BLM: variants seen among roughly 807,000 people sequenced by gnomAD.
BLM encodes the protein recQ-like DNA helicase BLM.
BLM carries 95 observed loss-of-function variants against 135.3 expected under a neutral mutation model. That is an observed-to-expected ratio of 0.70 (90% CI 0.59 to 0.83). BLM has a LOEUF of 0.83. BLM is among the 40% of genes least tolerant of loss of function. The pLI is 0.00. For missense variants in BLM, 1,518 were observed against 1,663.9 expected, an observed-to-expected ratio of 0.91 and a Z score of 1.53; for synonymous variants, 520 against 589.2, an observed-to-expected ratio of 0.88 and a Z score of 1.70.
At chr15:90,734,665 G>GTGCA (rs1478361316) in intron 1 of BLM, among the ~76,000 whole-genome samples, 2 of 143,488 alleles carry the variant, frequency 1.4e-5, no homozygotes, top group African/African-American at 5.5e-5. Context: ...ACACACACGC[G>GTGCA]CGCACGCACG....
rs1216393489 is a variant in BLM at position 90,720,928 on chromosome 15, A to T, written c.-5+3488A>T. 3.3e-5 allele frequency among the ~76,000 whole-genome samples: 5 copies of T among 152,156 alleles called. 1 individual carries two copies. In the East Asian group the frequency reaches 7.7e-4, roughly 23 times the overall value. On this transcript the variant is annotated intron_variant, in intron 1 of 21. Coordinates refer to ENST00000355112, the MANE Select transcript of BLM (RefSeq NM_000057.4). ...TTATTTCCTGGCTGGGCGCGGTAGCACATGCCTATGATCCCAGCACTTTGG... is the reference window on the plus strand; with the variant it reads ...TTATTTCCTGGCTGGGCGCGGTAGCTCATGCCTATGATCCCAGCACTTTGG...
At chr15:90,771,290 CA>C (rs1177490662) in intron 12 of BLM, among the ~76,000 whole-genome samples, 1 of 152,144 alleles carries the variant, frequency 6.6e-6, no homozygotes, top group Non-Finnish European at 1.5e-5. Context: ...AGTTCGAGAC[CA>C]GCCTGGCCAA....
At chr15:90,747,534 C>A (rs1409520705) in intron 2 of BLM, 44 bp downstream of exon 2, 2 of 1,177,836 alleles carry the variant, frequency 1.7e-6, no homozygotes, top group Admixed American at 1.9e-5. Context: ...CACTAACTTA[C>A]CACATTGTAC....
intron 8 of BLM, among the ~76,000 whole-genome samples, chr15:90,764,331 A>G (rs2151161661): frequency 6.7e-6 from 1 of 150,238 alleles, no homozygotes; most frequent in African/African-American, 2.4e-5. Flanking sequence ...AAATATTCCA[A>G]ATAAGGTTTA....
At chr15:90,776,134 T>A (rs1255218965) in intron 12 of BLM, among the ~76,000 whole-genome samples, 2 of 152,252 alleles carry the variant, frequency 1.3e-5, no homozygotes, top group African/African-American at 4.8e-5. Flanking sequence ...TAACAATTAT[T>A]TGAATTCCTT....
At chr15:90,727,451 G>T (rs1894948992) in intron 1 of BLM, among the ~76,000 whole-genome samples, 1 of 152,130 alleles carries the variant, frequency 6.6e-6, no homozygotes, top group African/African-American at 2.4e-5. Context: ...AGAAAAGCCT[G>T]CTTGCAAAAT....
chr15:90,761,551 A>T (rs1486830681), intron 7 of BLM, among the ~76,000 whole-genome samples: 2 of 152,214 alleles, frequency 1.3e-5, no homozygotes, highest in Non-Finnish European at 2.9e-5. Context: ...CAAACTCATG[A>T]GGGCCAAGTT....
At chr15:90,807,085 C>G (rs1302880985) in intron 19 of BLM, among the ~76,000 whole-genome samples, 2 of 152,182 alleles carry the variant, frequency 1.3e-5, no homozygotes, top group Non-Finnish European at 2.9e-5. Flanking sequence ...TCGTCCATGT[C>G]TTTGTTTTTC....
chr15:90,803,218 A>T (rs113739388), intron 17 of BLM, among the ~76,000 whole-genome samples: 3 of 152,126 alleles, frequency 2.0e-5, no homozygotes, highest in African/African-American at 7.2e-5. Flanking sequence ...AATACATAGC[A>T]CAGTGATAGG....
At chr15:90,803,325 G>A (rs1411191739) in intron 17 of BLM, among the ~76,000 whole-genome samples, 196 bp from the exon 18 acceptor site, 3 of 152,072 alleles carry the variant, frequency 2.0e-5, no homozygotes, top group Admixed American at 6.6e-5. Context: ...AAAAGATAAG[G>A]AAAAGTACAT....
intron 1 of BLM, among the ~76,000 whole-genome samples, chr15:90,746,908 T>C (rs1301842198): frequency 6.6e-6 from 1 of 152,182 alleles, no homozygotes; most frequent in Non-Finnish European, 1.5e-5. Flanking sequence ...AAACCTTTGC[T>C]CTCATTGGTG....
chr15:90,784,891 T>C (rs367997258), intron 13 of BLM, 30 bp from the exon 14 acceptor site: 36 of 1,603,526 alleles, frequency 2.2e-5, no homozygotes, highest in Non-Finnish European at 2.9e-5. Flanking sequence ...TAAAAATTCT[T>C]GTTTCTCAGT....
At position 90,815,046 on chromosome 15, in the gene BLM, G is replaced by A. The variant is rs919498905; in HGVS notation, c.4077-56G>A. On this transcript the variant is annotated intron_variant, in intron 21 of 21. Coordinates refer to ENST00000355112, the MANE Select transcript of BLM (RefSeq NM_000057.4). The surrounding 1 kb of genome is among the most constrained non-coding windows in gnomAD (Gnocchi z 4.6). The stretch of plus-strand genomic sequence containing the variant: ...TAGCTCTGTGCAGGTTGAGAGGAAG[G>A]TCATTCATTTTTGGTTTCATTTAAC... 2.5e-6 allele frequency: 3 copies of A among 1,216,194 alleles called. No individual in the cohort carries two copies. The African/African-American group carries it at 5.0e-5, about 20-fold the overall frequency. The allele number at this position is 1,216,194 out of a possible 1,614,324, so 75.3% of individuals were successfully genotyped here.
chr15:90,748,552 A>T (rs1895572575), intron 2 of BLM, among the ~76,000 whole-genome samples: 1 of 152,096 alleles, frequency 6.6e-6, no homozygotes, highest in Non-Finnish European at 1.5e-5. Context: ...TGATGCTTTT[A>T]CCAGGTTGTA....
At chr15:90,814,992 G>A (rs1596276260) in intron 21 of BLM, 110 bp from the exon 22 acceptor site, 1 of 1,119,594 alleles carries the variant, frequency 8.9e-7, no homozygotes, top group Non-Finnish European at 1.3e-6. Flanking sequence ...AATGCACAAG[G>A]ACACATTAGG....
chr15:90,786,948 T>C lies in BLM; in HGVS notation c.2823+1867T>C, dbSNP rs551959580. Among the ~76,000 whole-genome samples the C allele has an allele frequency of 8.0e-4, 120 of 150,230 alleles. 2 individuals are homozygous for C. The Admixed American group carries it at 8.0e-3, about 10-fold the overall frequency. On this transcript the variant is annotated intron_variant, in intron 14 of 21. Transcript: ENST00000355112. ...TTTTGATTTGCATTTCCCTAGTAAC[T>C]AACAATATTGGGCATCTGTTTCCGA... is the stretch of plus-strand genomic sequence containing the variant.
At chr15:90,740,215 C>A (rs141320502) in intron 1 of BLM, among the ~76,000 whole-genome samples, 1 of 152,280 alleles carries the variant, frequency 6.6e-6, no homozygotes, top group East Asian at 1.9e-4. Flanking sequence ...AATTTGCATA[C>A]CCCTTGCCAT....
At chr15:90,720,676 G>A (rs140352314) in intron 1 of BLM, among the ~76,000 whole-genome samples, 3 of 151,710 alleles carry the variant, frequency 2.0e-5, no homozygotes, top group African/African-American at 7.3e-5. Context: ...CAGCCTCCCG[G>A]GCTCAAGTGA....
intron 8 of BLM, among the ~76,000 whole-genome samples, chr15:90,763,492 T>G (rs931670500): frequency 1.3e-5 from 2 of 152,146 alleles, no homozygotes; most frequent in Admixed American, 1.3e-4. Context: ...TTTCTGGCAG[T>G]TTATTTGCAA....
Sources: gnomAD v4.1 joint callset for allele counts (sites outside exome capture counted in the v4.1 genomes callset) on GRCh38, gnomAD v4.1.1 for gene constraint, Gnocchi (gnomAD v3.1) non-coding constraint, MANE v1.5 for transcripts, NCBI Gene and HGNC (gene_info 2026-07-23, HGNC 2026-07-21) for gene names.